The following MTFR1L variants were observed in gnomAD, a reference collection of about 807,000 sequenced individuals.
The protein encoded by MTFR1L is mitochondrial fission regulator 1-like.
MTFR1L carries 10 observed loss-of-function variants against 27.9 expected under a neutral mutation model. That is an observed-to-expected ratio of 0.36 (90% CI 0.22 to 0.61). The LOEUF (loss-of-function observed/expected upper bound fraction) is 0.61, where lower values mean the gene tolerates loss of function less well. Among genes scored for constraint, MTFR1L ranks in the 20% least tolerant of loss-of-function variants. The pLI, the probability that MTFR1L is intolerant of heterozygous loss-of-function variation, is 0.73. For missense variants in MTFR1L, 315 were observed against 363.7 expected (o/e 0.87, Z 1.09); for synonymous variants, 151 against 139.4 (o/e 1.08, Z -0.58).
Position 25,821,046 on chromosome 1 carries a change from G to A in MTFR1L, c.-87+1017G>A. The A allele has an allele frequency of 1.1e-5, 3 of 276,384 alleles. 1 individual carries two copies. Among genetic ancestry groups the A allele is most frequent in the South Asian group, 9.1e-5 (3 of 33,116 alleles). The allele number at this position is 276,384 out of a possible 1,614,324, so 17.1% of individuals were successfully genotyped here. On this transcript the variant is annotated intron_variant, in intron 1 of 6. Coordinates refer to ENST00000374303, the MANE Select transcript of MTFR1L (RefSeq NM_001099625.2). Reference sequence around the variant, plus strand: ...GGTTGAGGGCCAGTGTGGCTGGAGGGCAAGGGGGAGAGCAGGAGGGCTGGC... The same window carrying A: ...GGTTGAGGGCCAGTGTGGCTGGAGGACAAGGGGGAGAGCAGGAGGGCTGGC...
At chr1:25,822,825 CGCA>C in intron 1 of MTFR1L, 191 bp from the exon 2 acceptor site, 1 of 604,550 alleles carries the variant, frequency 1.7e-6, no homozygotes, top group Non-Finnish European at 2.9e-6. Flanking sequence ...TGCGCCTGGC[CGCA>C]GATCTTTAAC....
intron 5 of MTFR1L, among the ~76,000 whole-genome samples, chr1:25,827,111 A>G (rs1303041697): frequency 1.3e-5 from 2 of 151,648 alleles, no homozygotes; most frequent in Admixed American, 1.3e-4. Flanking sequence ...TGTCTTTAAG[A>G]TCACATCTTA....
At chr1:25,820,603 G>C (rs1572243032) in intron 1 of MTFR1L, 1 of 400,318 alleles carries the variant, frequency 2.5e-6, no homozygotes, top group South Asian at 1.8e-5. Context: ...GTTCTCCTGA[G>C]GGGACGCCTG....
intron 1 of MTFR1L, chr1:25,820,483 G>T (rs1384656272): frequency 2.7e-6 from 1 of 369,114 alleles, no homozygotes. Context: ...GGGTCCGCGC[G>T]GGTCTCCGGC....
At chr1:25,820,935 T>C in intron 1 of MTFR1L, 1 of 314,956 alleles carries the variant, frequency 3.2e-6, no homozygotes, top group Middle Eastern at 9.7e-4. Context: ...ATGCTTAAGC[T>C]GAGCTCTGAG....
At chr1:25,822,895 G>C (rs145195575) in intron 1 of MTFR1L, 124 bp from the exon 2 acceptor site, 2 of 730,114 alleles carry the variant, frequency 2.7e-6, no homozygotes, top group African/African-American at 3.5e-5. Context: ...AGCCTCTTGG[G>C]CTGGTTTTCT....
intron 2 of MTFR1L, 103 bp from the exon 3 acceptor site, chr1:25,823,541 A>G: frequency 6.6e-7 from 1 of 1,524,860 alleles, no homozygotes; most frequent in Non-Finnish European, 8.9e-7. Flanking sequence ...CCCTGTCCCT[A>G]GGTTTGTGGA....
chr1:25,820,501 G>A, intron 1 of MTFR1L: 1 of 360,064 alleles, frequency 2.8e-6, no homozygotes, highest in East Asian at 9.9e-5. Context: ...GGCCACTGCT[G>A]CGCGCGGCAA....
chr1:25,831,467 A>G (rs1417586899), intron 6 of MTFR1L, among the ~76,000 whole-genome samples: 1 of 152,170 alleles, frequency 6.6e-6, no homozygotes, highest in Non-Finnish European at 1.5e-5. Flanking sequence ...AATCCCAAGC[A>G]CACCTTTTCT....
At chr1:25,820,385 G>A (rs2048070846) in intron 1 of MTFR1L, 1 of 454,162 alleles carries the variant, frequency 2.2e-6, no homozygotes, top group Admixed American at 2.4e-5. Context: ...CGCTGGGCAG[G>A]CGGCGAGCAC....
At chr1:25,822,690 C>A (rs1403307170) in intron 1 of MTFR1L, 2 of 376,030 alleles carry the variant, frequency 5.3e-6, no homozygotes, top group Non-Finnish European at 4.8e-6. Context: ...CCACACCTGG[C>A]TAATTTTTTG....
At chr1:25,830,613 AT>A (rs1224071319) in intron 6 of MTFR1L, among the ~76,000 whole-genome samples, 1 of 152,210 alleles carries the variant, frequency 6.6e-6, no homozygotes, top group Non-Finnish European at 1.5e-5. Context: ...GTTCCTGGGC[AT>A]TTGAGAGCCA....
chr1:25,832,405 A>T lies in MTFR1L; in HGVS notation c.*379A>T, dbSNP rs1454267779. 1.4e-5 allele frequency: 6 copies of T among 442,038 alleles called. No individual in the cohort carries two copies. The highest frequency in any genetic ancestry group is 2.3e-5 in the Non-Finnish European group (6 of 258,952). 27.4% of individuals were successfully genotyped at this position (442,038 alleles called of 1,614,324 possible). A position where few individuals can be genotyped will look rare whatever the true frequency, so the allele number is the denominator to read the frequency against. ...ACAAGACACTTTGTGCCCAGCTGTC[A>T]CTCACTCAGCAGCTTCCTTGCAGCA... is the stretch of plus-strand genomic sequence containing the variant. On this transcript the variant is annotated 3_prime_UTR_variant, in exon 7 of 7. Coordinates refer to ENST00000374303, the MANE Select transcript of MTFR1L (RefSeq NM_001099625.2).
intron 1 of MTFR1L, chr1:25,820,295 G>A (rs1332089258): frequency 2.2e-6 from 1 of 455,954 alleles, no homozygotes; most frequent in Non-Finnish European, 4.4e-6. Context: ...GGGCCGGGCT[G>A]CCCCGCCGCG....
chr1:25,831,174 C>T (rs2048235150), intron 6 of MTFR1L, among the ~76,000 whole-genome samples: 1 of 152,162 alleles, frequency 6.6e-6, no homozygotes, highest in African/African-American at 2.4e-5. Context: ...CAAACGCAGT[C>T]CCTCTTGTTT....
rs200155933 is a variant in MTFR1L, at chr1:25,823,628, C to T, written c.25-16C>T. ...CATTCTCTGGGGTTGTAGCTGTCTC[C>T]GTCTCTTTGCTCCAGACCATCCCAA... On this transcript the variant is annotated splice_polypyrimidine_tract_variant and intron_variant, in intron 2 of 6. Transcript: ENST00000374303. 7.4e-6 allele frequency: 12 copies of T among 1,612,508 alleles called. No homozygotes were observed. Among genetic ancestry groups the T allele is most frequent in the East Asian group, 6.7e-5 (3 of 44,824 alleles).
chr1:25,828,814 A>G (rs2048201186), intron 5 of MTFR1L, among the ~76,000 whole-genome samples: 2 of 152,202 alleles, frequency 1.3e-5, no homozygotes, highest in African/African-American at 4.8e-5. Context: ...TTGGTAGGAC[A>G]CATGAAAATC....
In MTFR1L at chr1:25,822,416, G is replaced by A. The variant is rs1255608071; in HGVS notation, c.-86-603G>A. On this transcript the variant is annotated intron_variant, in intron 1 of 6. Coordinates refer to ENST00000374303, the MANE Select transcript of MTFR1L (RefSeq NM_001099625.2). ...GATAGTACTTATAATTTGGCTAGAT[G>A]AGCTTTGTAGCTACCAAGGATTCTA... The A allele has an allele frequency of 2.6e-5, 4 of 155,308 alleles. 1 individual carries two copies. The highest frequency in any genetic ancestry group is 9.2e-5 in the African/African-American group (4 of 43,306). The allele number at this position is 155,308 out of a possible 1,614,324, so 9.6% of individuals were successfully genotyped here.
At position 25,826,941 on chromosome 1, in the gene MTFR1L, G is replaced by A. The variant is rs1254863461; in HGVS notation, c.451+115G>A. On this transcript the variant is annotated intron_variant, in intron 5 of 6. Transcript: ENST00000374303. The surrounding 1 kb of genome is among the most constrained non-coding windows in gnomAD (Gnocchi z 4.1). ...CTTGGTTTGCAGGTACTTAGGTTCC[G>A]GGCCCTGGGGTTGTCCTGAAGCCTG... 1.3e-5 allele frequency: 15 copies of A among 1,191,754 alleles called. No individual in the cohort carries two copies. Among genetic ancestry groups the A allele is most frequent in the East Asian group, 2.6e-5 (1 of 38,998 alleles). The allele number at this position is 1,191,754 out of a possible 1,614,324, so 73.8% of individuals were successfully genotyped here.
Sources: allele counts gnomAD v4.1 joint callset (sites outside exome capture counted in the v4.1 genomes callset), GRCh38; gene constraint gnomAD v4.1.1; non-coding constraint Gnocchi (gnomAD v3.1); transcripts MANE v1.5; gene names NCBI Gene and HGNC (gene_info 2026-07-23, HGNC 2026-07-21).